KIF6: variants seen among roughly 807,000 people sequenced by gnomAD.
The protein encoded by KIF6 is kinesin-like protein KIF6.
KIF6 carries 106 observed loss-of-function variants against 112.7 expected under a neutral mutation model. The observed-to-expected ratio is 0.94, with a 90% CI of 0.80 to 1.11. KIF6 has a LOEUF of 1.11. KIF6 is among the 50% of genes least tolerant of loss of function. The pLI is 0.00. For missense variants in KIF6, 929 were observed against 964.0 expected, an observed-to-expected ratio of 0.96 and a Z score of 0.48; for synonymous variants, 339 against 339.9, an observed-to-expected ratio of 1.00 and a Z score of 0.03.
At chr6:39,692,739 T>C (rs1002028898) in intron 3 of KIF6, among the ~76,000 whole-genome samples, 4 of 152,230 alleles carry the variant, frequency 2.6e-5, no homozygotes, top group Non-Finnish European at 5.9e-5. Flanking sequence ...TTGATAAATT[T>C]ACTGATGGTT....
At chr6:39,588,717 GGTTGCTCA>G (rs933180941) in intron 7 of KIF6, among the ~76,000 whole-genome samples, 17 of 152,032 alleles carry the variant, frequency 1.1e-4, no homozygotes, top group African/African-American at 2.9e-4. Flanking sequence ...ACATCAACCC[GGTTGCTCA>G]AGCCAAAACC....
rs1212794740 is a variant in KIF6, at chr6:39,346,085, T to TCTCTCTCTCTCTC, written c.2232-297_2232-296insGAGAGAGAGAGAG. Among the ~76,000 whole-genome samples, 141 of 21,600 alleles carry TCTCTCTCTCTCTC rather than the reference T, an allele frequency of 6.5e-3. 35 individuals carry two copies. Among genetic ancestry groups the TCTCTCTCTCTCTC allele is most frequent in the Non-Finnish European group, 9.9e-3 (123 of 12,470 alleles). The allele number at this position is 21,600 out of a possible 152,430, so 14.2% of individuals were successfully genotyped here. On this transcript the variant is annotated intron_variant, in intron 20 of 22. Coordinates refer to ENST00000287152, the MANE Select transcript of KIF6 (RefSeq NM_145027.6). ...CTCTCTCTCTCTCTCTCTCTCTCTC[T>TCTCTCTCTCTCTC]CCCCCCCCTCTCCCTCCCCCCCTCC... is the stretch of plus-strand genomic sequence containing the variant.
intron 15 of KIF6, among the ~76,000 whole-genome samples, chr6:39,393,430 G>T (rs1367613818): frequency 6.6e-6 from 1 of 152,140 alleles, no homozygotes; most frequent in Non-Finnish European, 1.5e-5. Flanking sequence ...ACTGAATTAG[G>T]TCACATGTGT....
At chr6:39,655,613 T>C (rs1479773570) in intron 3 of KIF6, among the ~76,000 whole-genome samples, 1 of 152,174 alleles carries the variant, frequency 6.6e-6, no homozygotes, top group Admixed American at 6.5e-5. Flanking sequence ...AGTTAGAATC[T>C]AACTTTGTTT....
intron 12 of KIF6, among the ~76,000 whole-genome samples, chr6:39,541,596 G>A (rs1778789937): frequency 6.6e-6 from 1 of 152,216 alleles, no homozygotes; most frequent in Non-Finnish European, 1.5e-5. Context: ...GCAATGACAA[G>A]GCAGAGTAGT....
At chr6:39,630,526 T>A (rs1784301496) in intron 5 of KIF6, among the ~76,000 whole-genome samples, 1 of 152,092 alleles carries the variant, frequency 6.6e-6, no homozygotes, top group Non-Finnish European at 1.5e-5. Context: ...TTTTGTACAT[T>A]AACCTTGTAT....
chr6:39,724,880 G>C (rs1790445808), intron 1 of KIF6, among the ~76,000 whole-genome samples: 1 of 152,210 alleles, frequency 6.6e-6, no homozygotes, highest in African/African-American at 2.4e-5. Flanking sequence ...GCGGTGCTGC[G>C]TGAGTTTCCC....
At position 39,663,638 on chromosome 6, in the gene KIF6, C is replaced by A. The variant is rs570302118; in HGVS notation, c.252-23881G>T. Among the ~76,000 whole-genome samples the A allele has an allele frequency of 4.6e-5, 7 of 151,908 alleles. 1 individual carries two copies. In the South Asian group the frequency reaches 1.3e-3, roughly 27 times the overall value. ...ATAGCACAAATCAAACTGGAGAGAACGGAGCCAATGCAGCAGAGTGCACAG... is the reference window on the plus strand; with the variant it reads ...ATAGCACAAATCAAACTGGAGAGAAAGGAGCCAATGCAGCAGAGTGCACAG... On this transcript the variant is annotated intron_variant, in intron 3 of 22. Transcript: ENST00000287152.
chr6:39,402,490 A>G (rs1342739824), intron 15 of KIF6, among the ~76,000 whole-genome samples: 1 of 152,226 alleles, frequency 6.6e-6, no homozygotes, highest in African/African-American at 2.4e-5. Flanking sequence ...ACGGTCTTTA[A>G]GTGGAACAGA....
chr6:39,460,073 A>C (rs1371916495), intron 13 of KIF6, among the ~76,000 whole-genome samples: 1 of 149,598 alleles, frequency 6.7e-6, no homozygotes, highest in Non-Finnish European at 1.5e-5. Context: ...ACACATGCAC[A>C]CGTATGTTTA....
chr6:39,472,863 C>CTT (rs111676822), intron 13 of KIF6, among the ~76,000 whole-genome samples: 6 of 143,532 alleles, frequency 4.2e-5, no homozygotes, highest in Non-Finnish European at 4.6e-5. Flanking sequence ...TGTACATTTT[C>CTT]TTTTTTTTTT....
At chr6:39,587,575 T>G (rs770090942) in intron 7 of KIF6, among the ~76,000 whole-genome samples, 1 of 152,154 alleles carries the variant, frequency 6.6e-6, no homozygotes, top group Non-Finnish European at 1.5e-5. Context: ...TTTCTCCTTT[T>G]TCTTCAAACC....
intron 22 of KIF6, among the ~76,000 whole-genome samples, chr6:39,336,950 T>A (rs564530201): frequency 8.6e-5 from 13 of 150,888 alleles, no homozygotes; most frequent in Non-Finnish European, 1.3e-4. Flanking sequence ...TTTTTCTTTC[T>A]CTTTCTTCTC....
intron 6 of KIF6, among the ~76,000 whole-genome samples, chr6:39,609,198 AC>A (rs1278066703): frequency 6.6e-6 from 1 of 152,142 alleles, no homozygotes; most frequent in Non-Finnish European, 1.5e-5. Flanking sequence ...ACAGAGTAGA[AC>A]CAACACTGAC....
chr6:39,517,059 C>T (rs1554230799), intron 13 of KIF6, among the ~76,000 whole-genome samples: 1 of 152,152 alleles, frequency 6.6e-6, no homozygotes, highest in Non-Finnish European at 1.5e-5. Flanking sequence ...CTCTCCAGGC[C>T]TCTAGGAAAC....
At chr6:39,648,219 C>A (rs185235035) in intron 3 of KIF6, among the ~76,000 whole-genome samples, 1 of 67,982 alleles carries the variant, frequency 1.5e-5, no homozygotes, top group Non-Finnish European at 3.1e-5. Context: ...AGACGGGGGG[C>A]GGGCGGGGGG....
At chr6:39,574,919 T>C (rs1780854816) in intron 10 of KIF6, among the ~76,000 whole-genome samples, 2 of 152,218 alleles carry the variant, frequency 1.3e-5, no homozygotes, top group African/African-American at 4.8e-5. Flanking sequence ...TTCATTCTGT[T>C]ATTGAGCCAT....
intron 13 of KIF6, among the ~76,000 whole-genome samples, chr6:39,460,753 TACTC>T (rs1000976519): frequency 2.0e-5 from 3 of 152,102 alleles, no homozygotes; most frequent in South Asian, 4.1e-4. Flanking sequence ...GGTGACAAAA[TACTC>T]ACTTCTGCAC....
At chr6:39,602,362 C>A (rs1782627323) in intron 6 of KIF6, among the ~76,000 whole-genome samples, 1 of 152,112 alleles carries the variant, frequency 6.6e-6, no homozygotes, top group African/African-American at 2.4e-5. Flanking sequence ...TTTCTTATCT[C>A]CAGTGTAGCA....
Sources: allele counts gnomAD v4.1 joint callset (sites outside exome capture counted in the v4.1 genomes callset), GRCh38; gene constraint gnomAD v4.1.1; transcripts MANE v1.5; gene names NCBI Gene and HGNC (gene_info 2026-07-23, HGNC 2026-07-21).